TCF20: variants seen among roughly 807,000 people sequenced by gnomAD.
The protein encoded by TCF20 is transcription factor 20.
A neutral mutation model predicts 148.6 loss-of-function variants in TCF20; 3 were observed. The ratio of observed to expected loss-of-function variants is 0.02; its 90% confidence interval spans 0.01 to 0.05. The LOEUF (loss-of-function observed/expected upper bound fraction) is 0.05, where lower values mean the gene tolerates loss of function less well. Among genes scored for constraint, TCF20 ranks in the 10% least tolerant of loss-of-function variants. The pLI, the probability that TCF20 is intolerant of heterozygous loss-of-function variation, is 1.00. For missense variants in TCF20, 2,350 were observed against 2,429.3 expected (o/e 0.97, Z 0.69); for synonymous variants, 1,049 against 909.5 (o/e 1.15, Z -2.76).
intron 2 of TCF20, among the ~76,000 whole-genome samples, chr22:42,195,456 A>G (rs949813143): frequency 3.3e-5 from 5 of 152,078 alleles, no homozygotes; most frequent in African/African-American, 1.2e-4. Flanking sequence ...ACGTAGATTA[A>G]AATTCTGACC....
intron 1 of TCF20, among the ~76,000 whole-genome samples, chr22:42,318,453 G>T (rs368739401): frequency 6.6e-6 from 1 of 152,338 alleles, no homozygotes; most frequent in Non-Finnish European, 1.5e-5. Context: ...GGAGTGCGGC[G>T]CAGCGGAACG....
At chr22:42,219,633 A>T (rs1922167144) in intron 1 of TCF20, among the ~76,000 whole-genome samples, 1 of 152,024 alleles carries the variant, frequency 6.6e-6, no homozygotes, top group Non-Finnish European at 1.5e-5. Context: ...AGGCGGGCAG[A>T]TCACTTGGGC....
At chr22:42,225,385 C>T (rs1231487730) in intron 1 of TCF20, among the ~76,000 whole-genome samples, 35 of 151,378 alleles carry the variant, frequency 2.3e-4, no homozygotes, top group Admixed American at 3.3e-4. Context: ...GAGGCCGAGG[C>T]GGGTGGATCA....
At chr22:42,233,190 A>C (rs1000113708) in intron 1 of TCF20, among the ~76,000 whole-genome samples, 2 of 152,086 alleles carry the variant, frequency 1.3e-5, no homozygotes, top group African/African-American at 4.8e-5. Context: ...CCAAAGTGCT[A>C]GGATTACAGG....
At chr22:42,309,853 T>A (rs370206011) in intron 1 of TCF20, among the ~76,000 whole-genome samples, 1 of 152,132 alleles carries the variant, frequency 6.6e-6, no homozygotes, top group East Asian at 1.9e-4. Flanking sequence ...GAGGATGAAG[T>A]AAGAAAAACA....
intron 1 of TCF20, among the ~76,000 whole-genome samples, chr22:42,248,100 G>C (rs956098245): frequency 3.3e-5 from 5 of 152,146 alleles, no homozygotes; most frequent in Non-Finnish European, 5.9e-5. Context: ...TTTTGTGAAG[G>C]AAACAGATAC....
At chr22:42,192,603 A>G (rs923808939) in intron 2 of TCF20, among the ~76,000 whole-genome samples, 5 of 152,150 alleles carry the variant, frequency 3.3e-5, no homozygotes, top group African/African-American at 1.2e-4. Flanking sequence ...AAAAACGAGG[A>G]TATCTTGATA....
intron 2 of TCF20, among the ~76,000 whole-genome samples, chr22:42,179,921 CTCAAA>C (rs1308873634): frequency 6.6e-6 from 1 of 152,154 alleles, no homozygotes; most frequent in Non-Finnish European, 1.5e-5. Context: ...CACAAATGTT[CTCAAA>C]TCAACAATAC....
At chr22:42,257,322 T>C (rs1353208668) in intron 1 of TCF20, among the ~76,000 whole-genome samples, 1 of 152,232 alleles carries the variant, frequency 6.6e-6, no homozygotes, top group African/African-American at 2.4e-5. Flanking sequence ...TCTTTACTGA[T>C]TTTAGTTACT....
At chr22:42,195,968 A>G (rs1208063074) in intron 2 of TCF20, among the ~76,000 whole-genome samples, 1 of 152,194 alleles carries the variant, frequency 6.6e-6, no homozygotes, top group East Asian at 1.9e-4. Context: ...TCTGGGGCCA[A>G]CTCAGCCCTT....
intron 2 of TCF20, among the ~76,000 whole-genome samples, chr22:42,197,006 A>C (rs1298785890): frequency 2.0e-5 from 3 of 152,210 alleles, no homozygotes; most frequent in Non-Finnish European, 4.4e-5. Flanking sequence ...GTCAGCTCTT[A>C]AGTGCATACA....
At chr22:42,269,653 C>G (rs1474174165) in intron 1 of TCF20, 1 of 152,450 alleles carries the variant, frequency 6.6e-6, no homozygotes, top group Non-Finnish European at 1.5e-5. Context: ...GCTTGCACAC[C>G]CCGCCCTGTT....
intron 1 of TCF20, among the ~76,000 whole-genome samples, chr22:42,305,308 C>T (rs777246357): frequency 6.6e-6 from 1 of 152,152 alleles, no homozygotes; most frequent in African/African-American, 2.4e-5. Flanking sequence ...TCCCTGCCCC[C>T]CTCAGGGCAT....
At position 42,299,901 on chromosome 22, in the gene TCF20, C is replaced by A. The variant is rs901422631; in HGVS notation, c.-37+43578G>T. The stretch of plus-strand genomic sequence containing the variant: ...AAAGGGGTAGAAGGGAAGCTTGGAG[C>A]GGGTGGAGGAGGAGGGGGAAAGGGA... On this transcript the variant is annotated intron_variant, in intron 1 of 1. Coordinates refer to the TCF20 transcript ENST00000515426. This position sits in a 1 kb window ranked among gnomAD's most constrained non-coding sequence, Gnocchi z 4.1. 8.7e-6 allele frequency among the ~76,000 whole-genome samples: 1 copy of A among 115,012 alleles called. No individual in the cohort carries two copies. Among genetic ancestry groups the A allele is most frequent in the Non-Finnish European group, 1.7e-5 (1 of 57,732 alleles). 75.5% of individuals were successfully genotyped at this position (115,012 alleles called of 152,430 possible). A position where few individuals can be genotyped will look rare whatever the true frequency, so the allele number is the denominator to read the frequency against.
chr22:42,187,688 AAAGTT>A (rs1937111842), intron 2 of TCF20, among the ~76,000 whole-genome samples: 2 of 152,322 alleles, frequency 1.3e-5, no homozygotes, highest in South Asian at 2.1e-4. Context: ...AGTTTATAGT[AAAGTT>A]ATGATGTTTT....
intron 1 of TCF20, among the ~76,000 whole-genome samples, chr22:42,324,083 T>A (rs1341353204): frequency 1.4e-5 from 2 of 146,458 alleles, no homozygotes; most frequent in Non-Finnish European, 3.0e-5. Flanking sequence ...GTGGTGGTGG[T>A]GGTGGTGATG....
intron 2 of TCF20, among the ~76,000 whole-genome samples, chr22:42,203,473 T>C (rs1938178936): frequency 6.6e-6 from 1 of 152,210 alleles, no homozygotes; most frequent in Non-Finnish European, 1.5e-5. Flanking sequence ...TAAGGTAATA[T>C]ATGCAATAAA....
At chr22:42,232,536 T>C (rs935109425) in intron 1 of TCF20, among the ~76,000 whole-genome samples, 3 of 152,102 alleles carry the variant, frequency 2.0e-5, no homozygotes, top group Non-Finnish European at 4.4e-5. Flanking sequence ...TTTCAGCAAC[T>C]AGTTCGATCG....
intron 1 of TCF20, among the ~76,000 whole-genome samples, chr22:42,322,098 G>T (rs1927743372): frequency 6.6e-6 from 1 of 151,888 alleles, no homozygotes; most frequent in African/African-American, 2.4e-5. Context: ...AGGTATTACG[G>T]CTGCTGTTAT....
Sources: allele counts gnomAD v4.1 joint callset (sites outside exome capture counted in the v4.1 genomes callset), GRCh38; gene constraint gnomAD v4.1.1; non-coding constraint Gnocchi (gnomAD v3.1); transcripts MANE v1.5; gene names NCBI Gene and HGNC (gene_info 2026-07-23, HGNC 2026-07-21).